Variants in PALS2 observed in about 807,000 individuals in gnomAD.
PALS2 encodes protein associated with LIN7 2, MAGUK p55 family member, also known as protein PALS2.
In PALS2, 27 loss-of-function variants were observed where a neutral mutation model predicts 61.6. The observed-to-expected ratio is 0.44, with a 90% CI of 0.32 to 0.60. The LOEUF is 0.60. Ranked by LOEUF, PALS2 falls within the 20% of genes least tolerant of loss-of-function variation. The pLI is 0.05. For synonymous variants in PALS2, 236 were observed against 218.6 expected, an observed-to-expected ratio of 1.08 and a Z score of -0.70; for missense variants, 554 against 639.4, an observed-to-expected ratio of 0.87 and a Z score of 1.44.
chr7:24,656,689 ATAT>A (rs958445704), intron 5 of PALS2, among the ~76,000 whole-genome samples: 1 of 151,540 alleles, frequency 6.6e-6, no homozygotes, highest in African/African-American at 2.4e-5. Context: ...CACCCGGCTA[ATAT>A]TTGTATTTTT....
chr7:24,654,880 C>T (rs936529250), intron 5 of PALS2, among the ~76,000 whole-genome samples: 6 of 152,150 alleles, frequency 3.9e-5, no homozygotes, highest in African/African-American at 1.4e-4. Context: ...CCTACACATA[C>T]ATATTACTTT....
In PALS2 at chr7:24,693,451, T is replaced by C. The variant is rs1042082666; in HGVS notation, c.*5837T>C. 1 of 152,158 alleles carries C rather than the reference T, an allele frequency of 6.6e-6. No individual in the cohort carries two copies. Among genetic ancestry groups the C allele is most frequent in the African/African-American group, 2.4e-5 (1 of 41,450 alleles). 9.4% of individuals were successfully genotyped at this position (152,158 alleles called of 1,614,324 possible). ...ATGTAAAAACTCATCAGCTGTAAATTACCAACATTAAACCAGAAGTCATTA... is the reference window on the plus strand; with the variant it reads ...ATGTAAAAACTCATCAGCTGTAAATCACCAACATTAAACCAGAAGTCATTA... On this transcript the variant is annotated 3_prime_UTR_variant, in exon 12 of 12. Coordinates refer to ENST00000222644, the MANE Select transcript of PALS2 (RefSeq NM_001303037.2).
intron 1 of PALS2, among the ~76,000 whole-genome samples, chr7:24,610,574 G>A (rs139267467): frequency 1.2e-3 from 185 of 152,194 alleles, no homozygotes; most frequent in African/African-American, 4.2e-3. Context: ...GGGAAGATAT[G>A]GATAGCATAT....
chr7:24,623,677 G>A lies in PALS2; in HGVS notation c.10G>A (p.Val4Ile), dbSNP rs1562620623. The A allele has an allele frequency of 6.3e-7, 1 of 1,577,030 alleles. No individual in the cohort carries two copies. Among genetic ancestry groups the A allele is most frequent in the East Asian group, 2.2e-5 (1 of 44,548 alleles). The change falls in exon 2 of 12, where the codon GTC becomes ATC. Residue 4 changes from valine (V) to isoleucine (I), a missense_variant. Physicochemically the swap from Val to Ile is conservative, Grantham distance 29 (BLOSUM62 3). Coordinates refer to ENST00000222644, the MANE Select transcript of PALS2 (RefSeq NM_001303037.2). MQQ[V>I]LENLTELPSS... Reference sequence around the variant, plus strand: ...TTTTATCTCAGCAGCAATGCAGCAAGTCTTGGAAAACCTTACGGAGCTGCC... The same window carrying A: ...TTTTATCTCAGCAGCAATGCAGCAAATCTTGGAAAACCTTACGGAGCTGCC...
intron 1 of PALS2, among the ~76,000 whole-genome samples, chr7:24,579,613 C>A (rs540593574): frequency 5.7e-4 from 86 of 152,038 alleles, no homozygotes; most frequent in Non-Finnish European, 9.9e-4. Flanking sequence ...TATAAATCAC[C>A]GAGATTTTCC....
chr7:24,692,112 T>G lies in PALS2; in HGVS notation c.*4498T>G, dbSNP rs1258810789. The G allele has an allele frequency of 6.6e-6, 1 of 152,150 alleles. No individual in the cohort carries two copies. Among genetic ancestry groups the G allele is most frequent in the East Asian group, 1.9e-4 (1 of 5,204 alleles). The allele number at this position is 152,150 out of a possible 1,614,324, so 9.4% of individuals were successfully genotyped here. ...ATTTCCCATAATTCATCATGCTAGC[T>G]TCTGTGTTCTTGGAATAGTTTTTGA... On this transcript the variant is annotated 3_prime_UTR_variant, in exon 12 of 12. Coordinates refer to ENST00000222644, the MANE Select transcript of PALS2 (RefSeq NM_001303037.2).
At position 24,679,343 on chromosome 7, in the gene PALS2, T is replaced by G. The variant is rs776990274; in HGVS notation, c.1317+10T>G. 53 of 1,612,642 alleles carry G rather than the reference T, an allele frequency of 3.3e-5. No individual in the cohort carries two copies. Among genetic ancestry groups the G allele is most frequent in the Non-Finnish European group, 4.3e-5 (51 of 1,179,350 alleles). On this transcript the variant is annotated intron_variant, in intron 10 of 11. Transcript: ENST00000222644. ...GGATGTCAACCCACAAGTAAGCTGC[T>G]TGGATTCCAAAGCTGTTTTATATTT...
intron 1 of PALS2, among the ~76,000 whole-genome samples, chr7:24,576,975 A>G (rs990505645): frequency 6.6e-6 from 1 of 152,162 alleles, no homozygotes; most frequent in African/African-American, 2.4e-5. Context: ...CCTGGTTTCT[A>G]CTTTTTCTTT....
At chr7:24,665,764 A>G in intron 7 of PALS2, 77 bp downstream of exon 7, 1 of 1,295,554 alleles carries the variant, frequency 7.7e-7, no homozygotes, top group Middle Eastern at 1.9e-4. Flanking sequence ...TAAATAAGCA[A>G]ATGCATTTAT....
intron 1 of PALS2, among the ~76,000 whole-genome samples, chr7:24,603,008 A>G (rs1020702942): frequency 6.6e-6 from 1 of 152,098 alleles, no homozygotes; most frequent in Non-Finnish European, 1.5e-5. Flanking sequence ...AGCCATGTGG[A>G]ACTGTGAGTC....
At chr7:24,670,908 A>G (rs935895329) in intron 9 of PALS2, among the ~76,000 whole-genome samples, 1 of 152,092 alleles carries the variant, frequency 6.6e-6, no homozygotes, top group African/African-American at 2.4e-5. Context: ...GCTATACCAC[A>G]TTTTATTTAT....
rs1253052064 is a variant in PALS2 at position 24,618,698 on chromosome 7, A to G, written c.-2-4968A>G. Among the ~76,000 whole-genome samples the G allele has an allele frequency of 6.6e-6, 1 of 152,166 alleles. No individual in the cohort carries two copies. The highest frequency in any genetic ancestry group is 2.4e-5 in the African/African-American group (1 of 41,460). Reference sequence around the variant, plus strand: ...CCTCCCCTACCAAGCCTCCGCTCCCACAAGGAGAAGTCCCTTCTGACTCTG... The same window carrying G: ...CCTCCCCTACCAAGCCTCCGCTCCCGCAAGGAGAAGTCCCTTCTGACTCTG... On this transcript the variant is annotated intron_variant, in intron 1 of 11. Transcript: ENST00000222644. The surrounding 1 kb of genome is among the most constrained non-coding windows in gnomAD (Gnocchi z 5.1).
At chr7:24,664,201 A>G (rs547281756) in intron 6 of PALS2, among the ~76,000 whole-genome samples, 20 of 152,264 alleles carry the variant, frequency 1.3e-4, no homozygotes, top group African/African-American at 4.8e-4. Context: ...ATATTGGGAA[A>G]TGGAGGTTCA....
chr7:24,605,217 G>T (rs1306692668), intron 1 of PALS2, among the ~76,000 whole-genome samples: 1 of 152,172 alleles, frequency 6.6e-6, no homozygotes. Context: ...TCAAGTGAAA[G>T]AAATCATTGT....
At chr7:24,671,391 C>A (rs935227147) in intron 9 of PALS2, among the ~76,000 whole-genome samples, 4 of 152,144 alleles carry the variant, frequency 2.6e-5, no homozygotes, top group Non-Finnish European at 4.4e-5. Context: ...TTTTCTTAAG[C>A]TGTAAGAGGA....
At position 24,623,800 on chromosome 7, in the gene PALS2, C is replaced by T; in HGVS notation, c.117+16C>T. 6.9e-7 allele frequency: 1 copy of T among 1,449,350 alleles called. No individual in the cohort carries two copies. The highest frequency in any genetic ancestry group is 9.5e-7 in the Non-Finnish European group (1 of 1,057,228). 89.8% of individuals were successfully genotyped at this position (1,449,350 alleles called of 1,614,324 possible). A position where few individuals can be genotyped will look rare whatever the true frequency, so the allele number is the denominator to read the frequency against. On this transcript the variant is annotated intron_variant, in intron 2 of 11. Transcript: ENST00000222644. The stretch of plus-strand genomic sequence containing the variant: ...ACTTGCTAAGGTATATAGATTTATT[C>T]ATAAGATTACTGAATTATTTTGGAC...
chr7:24,687,810 T>C lies in PALS2; in HGVS notation c.*196T>C, dbSNP rs780110238. On this transcript the variant is annotated 3_prime_UTR_variant, in exon 12 of 12. Coordinates refer to ENST00000222644, the MANE Select transcript of PALS2 (RefSeq NM_001303037.2). This position sits in a 1 kb window ranked among gnomAD's most constrained non-coding sequence, Gnocchi z 4.5. ...TTGGAAGGTGTACTAATATATAATT[T>C]ATCTTAATTTTTCTAACTTTGTATG... 38 of 422,992 alleles carry C rather than the reference T, an allele frequency of 9.0e-5. No homozygotes were observed. The highest frequency in any genetic ancestry group is 1.4e-4 in the Non-Finnish European group (34 of 250,466). 26.2% of individuals were successfully genotyped at this position (422,992 alleles called of 1,614,324 possible). A position where few individuals can be genotyped will look rare whatever the true frequency, so the allele number is the denominator to read the frequency against.
At chr7:24,624,050 G>A (rs1330975957) in intron 2 of PALS2, 4 of 1,317,138 alleles carry the variant, frequency 3.0e-6, no homozygotes, top group African/African-American at 1.5e-5. Context: ...CTGCACAGTT[G>A]TGTTTTAACA....
chr7:24,619,756 T>C (rs1252282727), intron 1 of PALS2, among the ~76,000 whole-genome samples: 1 of 151,740 alleles, frequency 6.6e-6, no homozygotes, highest in Non-Finnish European at 1.5e-5. Flanking sequence ...AGAATCCCAT[T>C]TATGTGTTAT....
Sources: gnomAD v4.1 joint callset for allele counts (sites outside exome capture counted in the v4.1 genomes callset) on GRCh38, gnomAD v4.1.1 for gene constraint, Gnocchi (gnomAD v3.1) non-coding constraint, MANE v1.5 for transcripts, NCBI Gene and HGNC (gene_info 2026-07-23, HGNC 2026-07-21) for gene names.